Variants in SAMMSON observed in about 807,000 individuals in gnomAD.
The protein encoded by SAMMSON is survival associated mitochondrial melanoma specific oncogenic non-coding RNA.
intron 7 of SAMMSON, among the ~76,000 whole-genome samples, chr3:70,299,322 T>A (rs1575619811): frequency 1.0e-5 from 1 of 95,840 alleles, no homozygotes; most frequent in East Asian, 2.2e-4. Context: ...AATTTGTGCG[T>A]TATTTGTATA....
chr3:70,296,181 T>C (rs953692089), intron 7 of SAMMSON, among the ~76,000 whole-genome samples: 12 of 152,042 alleles, frequency 7.9e-5, no homozygotes, highest in Non-Finnish European at 1.5e-4. Context: ...AACGAATGAG[T>C]CTTTTACCCA....
At chr3:70,243,402 G>A (rs1268171976) in intron 4 of SAMMSON, among the ~76,000 whole-genome samples, 2 of 152,182 alleles carry the variant, frequency 1.3e-5, no homozygotes, top group African/African-American at 2.4e-5. Flanking sequence ...TAATAGGCCA[G>A]TGTGAAATTC....
intron 6 of SAMMSON, among the ~76,000 whole-genome samples, chr3:70,269,356 C>A (rs886569830): frequency 1.3e-5 from 2 of 152,118 alleles, no homozygotes; most frequent in Non-Finnish European, 2.9e-5. Flanking sequence ...TGAACTGTAA[C>A]CTGTCTGGAT....
intron 7 of SAMMSON, among the ~76,000 whole-genome samples, chr3:70,325,799 C>T (rs1011555406): frequency 6.6e-6 from 1 of 152,104 alleles, no homozygotes; most frequent in Admixed American, 6.6e-5. Context: ...TTGTAAATCA[C>T]ATCTCTGTTA....
intron 4 of SAMMSON, among the ~76,000 whole-genome samples, chr3:70,073,347 A>T (rs1446657985): frequency 6.6e-6 from 1 of 152,108 alleles, no homozygotes; most frequent in Non-Finnish European, 1.5e-5. Flanking sequence ...CCGTGGAGAA[A>T]AAGAAAATAT....
chr3:70,160,645 G>T (rs7614990), intron 4 of SAMMSON, among the ~76,000 whole-genome samples: 71,487 of 151,822 alleles, frequency 0.47, 17,816 homozygotes, highest in Non-Finnish European at 0.52. Flanking sequence ...AACTTGGTTC[G>T]TTTCTCAAAC....
intron 9 of SAMMSON, among the ~76,000 whole-genome samples, chr3:70,365,351 A>G (rs1189984483): frequency 1.3e-5 from 2 of 151,586 alleles, no homozygotes; most frequent in African/African-American, 2.4e-5. Flanking sequence ...GTGTGTATAT[A>G]TGTATCTATA....
At chr3:70,005,050 T>C (rs1372289656) in intron 1 of SAMMSON, among the ~76,000 whole-genome samples, 1 of 152,208 alleles carries the variant, frequency 6.6e-6, no homozygotes, top group Non-Finnish European at 1.5e-5. Flanking sequence ...TTTTCTCATC[T>C]GAGTGCGTTC....
chr3:70,197,980 G>A (rs187482946), intron 4 of SAMMSON, among the ~76,000 whole-genome samples: 1 of 152,230 alleles, frequency 6.6e-6, no homozygotes, highest in East Asian at 1.9e-4. Context: ...GCTGTGATGG[G>A]TTATAGATTA....
chr3:70,124,444 T>C (rs1376150643), intron 4 of SAMMSON, among the ~76,000 whole-genome samples: 2 of 152,178 alleles, frequency 1.3e-5, no homozygotes, highest in African/African-American at 2.4e-5. Flanking sequence ...ATACAAAAAA[T>C]TTCCAAGTGT....
chr3:70,307,160 G>T (rs976134419), intron 7 of SAMMSON, among the ~76,000 whole-genome samples: 2 of 152,048 alleles, frequency 1.3e-5, no homozygotes, highest in African/African-American at 4.8e-5. Flanking sequence ...CCCAGAGCCT[G>T]GTTTCATTTG....
chr3:70,341,206 T>C (rs570784540), intron 7 of SAMMSON, among the ~76,000 whole-genome samples: 73 of 152,160 alleles, frequency 4.8e-4, no homozygotes, highest in Admixed American at 1.0e-3. Context: ...ACTCCCCTTC[T>C]TCAGCTTGGC....
At position 70,418,961 on chromosome 3, in the gene SAMMSON, TTTCCTTTCC is replaced by T. The variant is rs1379114701; in HGVS notation, n.234-43592_234-43584del. On this transcript the variant is annotated intron_variant and non_coding_transcript_variant, in intron 2 of 3. Coordinates refer to the SAMMSON transcript ENST00000641053. The stretch of plus-strand genomic sequence containing the variant: ...TTTCCTTTCCTTTCCTTTCCTTTCC[TTTCCTTTCC>T]TTCCTTCCTTCTCTCTCTCTCTCTC... 2.1e-4 allele frequency among the ~76,000 whole-genome samples: 17 copies of T among 81,640 alleles called. 1 individual carries two copies. Among genetic ancestry groups the T allele is most frequent in the South Asian group, 8.2e-4 (2 of 2,430 alleles). 53.6% of individuals were successfully genotyped at this position (81,640 alleles called of 152,430 possible).
At chr3:70,004,009 G>C (rs895214969) in intron 1 of SAMMSON, among the ~76,000 whole-genome samples, 2 of 151,466 alleles carry the variant, frequency 1.3e-5, no homozygotes, top group Admixed American at 6.6e-5. Context: ...AAAGTTAAAA[G>C]CTTCTTTTTT....
At chr3:70,227,697 A>C (rs773985950) in intron 4 of SAMMSON, among the ~76,000 whole-genome samples, 3 of 152,226 alleles carry the variant, frequency 2.0e-5, no homozygotes, top group African/African-American at 7.2e-5. Context: ...GATGCCAGAT[A>C]GTGTTCTGAG....
chr3:70,022,426 CAA>C (rs60455629), intron 3 of SAMMSON, among the ~76,000 whole-genome samples: 3,598 of 91,244 alleles, frequency 0.039, 77 homozygotes, highest in African/African-American at 0.13. Context: ...AGTATAATAA[CAA>C]AAAAAAAAAA....
chr3:70,197,068 T>G, intron 4 of SAMMSON: 1 of 398,434 alleles, frequency 2.5e-6, no homozygotes, highest in East Asian at 3.6e-5. Flanking sequence ...GGTGTGGTGA[T>G]ACCGGCGAGA....
At chr3:70,303,849 T>C (rs998065625) in intron 7 of SAMMSON, among the ~76,000 whole-genome samples, 1 of 151,974 alleles carries the variant, frequency 6.6e-6, no homozygotes, top group Non-Finnish European at 1.5e-5. Context: ...GCCTGTGTAA[T>C]TTTTTGTATT....
intron 4 of SAMMSON, among the ~76,000 whole-genome samples, chr3:70,174,600 T>C (rs891713737): frequency 6.6e-6 from 1 of 152,066 alleles, no homozygotes; most frequent in African/African-American, 2.4e-5. Flanking sequence ...TACTTCATGG[T>C]GTCTAAGAAG....
Sources: allele counts gnomAD v4.1 joint callset (sites outside exome capture counted in the v4.1 genomes callset), GRCh38; gene constraint gnomAD v4.1.1; transcripts MANE v1.5; gene names NCBI Gene and HGNC (gene_info 2026-07-23, HGNC 2026-07-21).